The following ASIC5 variants were observed in gnomAD, a reference collection of about 807,000 sequenced individuals.
ASIC5 encodes the protein bile acid-sensitive ion channel.
A neutral mutation model predicts 51.2 loss-of-function variants in ASIC5; 52 were observed. The ratio of observed to expected loss-of-function variants is 1.02; its 90% CI spans 0.81 to 1.28. ASIC5 has a LOEUF of 1.28. Ranked by LOEUF, ASIC5 falls within the 50% of genes most tolerant of loss-of-function variation. The probability of loss-of-function intolerance (pLI) is 0.00; values close to 1 mark genes in which losing one functional copy is unlikely to be tolerated. For missense variants in ASIC5, 635 were observed against 595.0 expected, an observed-to-expected ratio of 1.07 and a Z score of -0.70; for synonymous variants, 231 against 200.7, an observed-to-expected ratio of 1.15 and a Z score of -1.28.
chr4:155,848,823 G>T (rs1014515315), intron 4 of ASIC5, among the ~76,000 whole-genome samples: 1 of 152,036 alleles, frequency 6.6e-6, no homozygotes, highest in Non-Finnish European at 1.5e-5. Flanking sequence ...TAACTGCATG[G>T]ACTCAAATAA....
At chr4:155,850,213 T>A (rs1417464339) in intron 4 of ASIC5, among the ~76,000 whole-genome samples, 1 of 151,950 alleles carries the variant, frequency 6.6e-6, no homozygotes, top group Non-Finnish European at 1.5e-5. Flanking sequence ...CTTTGCTCAC[T>A]GAGATGAATG....
chr4:155,845,654 T>G (rs1300263933), intron 4 of ASIC5, among the ~76,000 whole-genome samples: 2 of 152,074 alleles, frequency 1.3e-5, no homozygotes, highest in Non-Finnish European at 2.9e-5. Flanking sequence ...GAGATCCAGT[T>G]AAAATATAGG....
chr4:155,855,728 GTA>G (rs1023005733), intron 2 of ASIC5, among the ~76,000 whole-genome samples: 3 of 148,722 alleles, frequency 2.0e-5, no homozygotes, highest in African/African-American at 7.4e-5. Flanking sequence ...ATATGTGTGT[GTA>G]TATATATACA....
intron 4 of ASIC5, among the ~76,000 whole-genome samples, chr4:155,848,615 T>A (rs1741309992): frequency 1.3e-5 from 2 of 152,086 alleles, no homozygotes; most frequent in South Asian, 4.1e-4. Flanking sequence ...CCCTAAAACC[T>A]TTTTTCATCC....
At chr4:155,858,580 G>A (rs1169783842) in intron 2 of ASIC5, among the ~76,000 whole-genome samples, 1 of 151,996 alleles carries the variant, frequency 6.6e-6, no homozygotes, top group Admixed American at 6.6e-5. Flanking sequence ...TGAACCTGGG[G>A]AAAAGAAACA....
intron 4 of ASIC5, among the ~76,000 whole-genome samples, chr4:155,846,600 A>T (rs1741248734): frequency 6.6e-6 from 1 of 152,098 alleles, no homozygotes; most frequent in Admixed American, 6.6e-5. Context: ...AGCAAGATGG[A>T]GTCAATTAGG....
At chr4:155,861,219 T>C (rs1741696715) in intron 2 of ASIC5, among the ~76,000 whole-genome samples, 1 of 151,934 alleles carries the variant, frequency 6.6e-6, no homozygotes, top group South Asian at 2.1e-4. Context: ...GAAGAATGCA[T>C]ATTTTGCTAT....
At chr4:155,850,717 A>G (rs559837399) in intron 4 of ASIC5, among the ~76,000 whole-genome samples, 53 of 152,124 alleles carry the variant, frequency 3.5e-4, no homozygotes, top group Non-Finnish European at 2.6e-4. Flanking sequence ...TTGCTTAGAA[A>G]ATCATTTGGC....
intron 4 of ASIC5, among the ~76,000 whole-genome samples, chr4:155,847,155 T>A (rs995124180): frequency 6.6e-6 from 1 of 152,096 alleles, no homozygotes; most frequent in African/African-American, 2.4e-5. Context: ...ATTTATTTTT[T>A]AAAAAACCAA....
intron 3 of ASIC5, among the ~76,000 whole-genome samples, chr4:155,853,682 T>C (rs1741448182): frequency 6.7e-6 from 1 of 150,188 alleles, no homozygotes; most frequent in Non-Finnish European, 1.5e-5. Flanking sequence ...TTATTTTCTA[T>C]AGTCTCTAAT....
intron 2 of ASIC5, among the ~76,000 whole-genome samples, chr4:155,862,718 T>C (rs999308881): frequency 1.3e-5 from 2 of 152,150 alleles, no homozygotes; most frequent in Non-Finnish European, 1.5e-5. Context: ...CAGGGCTCTT[T>C]GCAGCCGCAC....
At chr4:155,865,573 CT>C (rs2110785430) in intron 1 of ASIC5, among the ~76,000 whole-genome samples, 1 of 152,232 alleles carries the variant, frequency 6.6e-6, no homozygotes, top group African/African-American at 2.4e-5. Flanking sequence ...AAACATTTAA[CT>C]TTCAAGTTTG....
At chr4:155,865,690 T>A (rs922232619) in intron 1 of ASIC5, among the ~76,000 whole-genome samples, 1 of 147,702 alleles carries the variant, frequency 6.8e-6, no homozygotes, top group African/African-American at 2.5e-5. Flanking sequence ...GAGTTTTTTT[T>A]ATTATTGTTT....
At chr4:155,842,411 T>C in intron 5 of ASIC5, 57 bp from the exon 6 acceptor site, 1 of 1,453,530 alleles carries the variant, frequency 6.9e-7, no homozygotes, top group Non-Finnish European at 9.3e-7. Flanking sequence ...TTCACTTATT[T>C]TCCATCAAGA....
chr4:155,842,186 G>A, intron 6 of ASIC5, 21 bp downstream of exon 6: 1 of 1,609,606 alleles, frequency 6.2e-7, no homozygotes, highest in Non-Finnish European at 8.5e-7. Context: ...TTAAGTAAGG[G>A]GGCAGTTAGT....
At position 155,831,865 on chromosome 4, in the gene ASIC5, A is replaced by T. The variant is rs150718620; in HGVS notation, c.1286T>A (p.Ile429Lys). The T allele has an allele frequency of 4.9e-4, 785 of 1,609,622 alleles. 1 individual carries two copies. Among genetic ancestry groups the T allele is most frequent in the Non-Finnish European group, 6.1e-4 (717 of 1,176,284 alleles). The change falls in exon 9 of 10, where the codon ATA becomes AAA. Residue 429 changes from isoleucine to lysine, a missense_variant. By Grantham distance (102) the Ile-to-Lys change is moderately radical. Coordinates refer to ENST00000537611, the MANE Select transcript of ASIC5 (RefSeq NM_017419.3). ...ACTCACCGCCTTTTGCTGCTGGGTT[A>T]TCTTATAGTTTAGGTCACTATAGTT... Reference protein sequence around the residue: ...EINYSDLNYKITQQQKAVSVS... With the variant: ...EINYSDLNYKKTQQQKAVSVS...
rs981911740 is a variant in ASIC5 at position 155,843,546 on chromosome 4, T to C, written c.861+135A>G. The C allele has an allele frequency of 1.1e-5, 10 of 948,958 alleles. No homozygotes were observed. In the African/African-American group the frequency reaches 1.6e-4, roughly 16 times the overall value. 58.8% of individuals were successfully genotyped at this position (948,958 alleles called of 1,614,324 possible). On this transcript the variant is annotated intron_variant, in intron 5 of 9. Transcript: ENST00000537611. ...TCATGTACCTTCAGATAAAGGAAAA[T>C]AATCTGAAATGAAATTTTGGAATTT...
At chr4:155,855,786 A>AT (rs1741522179) in intron 2 of ASIC5, among the ~76,000 whole-genome samples, 1 of 151,578 alleles carries the variant, frequency 6.6e-6, no homozygotes. Flanking sequence ...TCTAAAAGAC[A>AT]TTTTTTGACA....
intron 6 of ASIC5, among the ~76,000 whole-genome samples, chr4:155,841,418 T>C (rs966481005): frequency 4.7e-4 from 71 of 152,224 alleles, no homozygotes; most frequent in Middle Eastern, 3.4e-3. Flanking sequence ...CCCTCCTCCA[T>C]TTGACAGCAG....
Sources: allele counts gnomAD v4.1 joint callset (sites outside exome capture counted in the v4.1 genomes callset), GRCh38; gene constraint gnomAD v4.1.1; transcripts MANE v1.5; gene names NCBI Gene and HGNC (gene_info 2026-07-23, HGNC 2026-07-21).